AFG1L: variants seen among roughly 807,000 people sequenced by gnomAD.
The protein encoded by AFG1L is AFG1-like ATPase.
AFG1L carries 53 observed loss-of-function variants against 62.2 expected under a neutral mutation model. That is an observed-to-expected ratio of 0.85 (90% confidence interval 0.68 to 1.07). The LOEUF is 1.07. Among genes scored for constraint, AFG1L ranks in the 50% least tolerant of loss-of-function variants. The pLI is 0.00. For synonymous variants in AFG1L, 228 were observed against 210.3 expected (o/e 1.08, Z -0.73); for missense variants, 555 against 590.5 (o/e 0.94, Z 0.62).
chr6:108,305,675 C>T (rs1777175045), intron 1 of AFG1L, among the ~76,000 whole-genome samples: 3 of 152,188 alleles, frequency 2.0e-5, no homozygotes, highest in African/African-American at 7.2e-5. Context: ...TCAAGCAGTG[C>T]GCCCGCCTCA....
At chr6:108,516,270 G>A (rs1002334461) in intron 11 of AFG1L, among the ~76,000 whole-genome samples, 10 of 151,692 alleles carry the variant, frequency 6.6e-5, no homozygotes, top group African/African-American at 2.4e-4. Flanking sequence ...CTGGCAAACC[G>A]AATCCAGCAG....
rs1778889388 is a variant in AFG1L at position 108,347,031 on chromosome 6, G to A, written c.407G>A (p.Gly136Glu). The change falls in exon 3 of 13, where the codon GGA (glycine) becomes GAA (glutamate). Residue 136 changes from glycine (G) to glutamate (E), a missense_variant. By Grantham distance (98) the Gly-to-Glu change is moderately conservative. Coordinates refer to ENST00000368977, the MANE Select transcript of AFG1L (RefSeq NM_145315.5). ...CCTCCAAGGGGCCTGTATGTTTATG[G>A]AGATGTTGGTAAGTGTGTTAAAATA... ...SKPPRGLYVY[G>E]DVGTGKTMVM... 1 of 1,613,156 alleles carries A rather than the reference G, an allele frequency of 6.2e-7. No homozygotes were observed. The highest frequency in any genetic ancestry group is 8.5e-7 in the Non-Finnish European group (1 of 1,179,468).
intron 10 of AFG1L, among the ~76,000 whole-genome samples, chr6:108,487,531 C>A (rs1406907507): frequency 6.6e-6 from 1 of 152,146 alleles, no homozygotes; most frequent in African/African-American, 2.4e-5. Context: ...TATTTTTATA[C>A]CATCAGTTTT....
chr6:108,321,864 A>C (rs1777823192), intron 1 of AFG1L, among the ~76,000 whole-genome samples: 1 of 152,122 alleles, frequency 6.6e-6, no homozygotes, highest in Non-Finnish European at 1.5e-5. Context: ...TTTAAAAGCA[A>C]GATAGAAGTT....
At chr6:108,379,553 C>A (rs1284547117) in intron 6 of AFG1L, among the ~76,000 whole-genome samples, 1 of 152,174 alleles carries the variant, frequency 6.6e-6, no homozygotes, top group Non-Finnish European at 1.5e-5. Context: ...GCAATGGGAG[C>A]CGTGAAGGGC....
Position 108,436,413 on chromosome 6 carries a change from G to T in AFG1L, c.808-10801G>T, listed in dbSNP as rs1771312407. Among the ~76,000 whole-genome samples, 7 of 152,254 alleles carry T rather than the reference G, an allele frequency of 4.6e-5. No individual in the cohort carries two copies. The South Asian group carries it at 1.5e-3, about 32-fold the overall frequency. On this transcript the variant is annotated intron_variant, in intron 7 of 12. Coordinates refer to ENST00000368977, the MANE Select transcript of AFG1L (RefSeq NM_145315.5). ...CTGCCTTGGCCTCCCAAAGTGCTGGGATTACAGGTGTGAGCCACCGCACCC... is the reference window on the plus strand; with the variant it reads ...CTGCCTTGGCCTCCCAAAGTGCTGGTATTACAGGTGTGAGCCACCGCACCC...
chr6:108,431,338 A>G (rs993666162), intron 7 of AFG1L, among the ~76,000 whole-genome samples: 1 of 152,100 alleles, frequency 6.6e-6, no homozygotes, highest in African/African-American at 2.4e-5. Context: ...TGCTGACCTC[A>G]GGCGATCCGC....
chr6:108,402,111 G>A (rs1781647696), intron 7 of AFG1L, 57 bp downstream of exon 7: 1 of 825,328 alleles, frequency 1.2e-6, no homozygotes, highest in East Asian at 2.9e-5. Context: ...ATAATCAAGG[G>A]CTTTAGTAGG....
intron 8 of AFG1L, among the ~76,000 whole-genome samples, chr6:108,448,333 T>C (rs1771897651): frequency 6.6e-6 from 1 of 152,168 alleles, no homozygotes; most frequent in Non-Finnish European, 1.5e-5. Flanking sequence ...TCTTTTATGT[T>C]TGTGTTTACT....
chr6:108,458,647 T>C (rs1772340719), intron 8 of AFG1L, among the ~76,000 whole-genome samples: 1 of 152,166 alleles, frequency 6.6e-6, no homozygotes, highest in Non-Finnish European at 1.5e-5. Context: ...GTTCTTATAC[T>C]CATGCCTTCC....
intron 10 of AFG1L, among the ~76,000 whole-genome samples, chr6:108,508,995 C>G (rs1052872828): frequency 6.6e-6 from 1 of 152,122 alleles, no homozygotes; most frequent in Non-Finnish European, 1.5e-5. Flanking sequence ...CAGAGCAGCT[C>G]CTGGGCCACT....
At chr6:108,461,053 A>G (rs116295150) in intron 8 of AFG1L, among the ~76,000 whole-genome samples, 39 of 152,356 alleles carry the variant, frequency 2.6e-4, no homozygotes, top group African/African-American at 8.9e-4. Flanking sequence ...ACTTCTTAGT[A>G]ACATTTTAAT....
chr6:108,295,311 C>G, intron 1 of AFG1L, 93 bp downstream of exon 1: 1 of 1,426,222 alleles, frequency 7.0e-7, no homozygotes, highest in Non-Finnish European at 9.4e-7. Flanking sequence ...CCCCAGGTGT[C>G]TCCTGCTTTC....
At position 108,334,153 on chromosome 6, in the gene AFG1L, T is replaced by C. The variant is rs564398387; in HGVS notation, c.363+10105T>C. ...CTCCTGAGTAGGTAGGGCTAAGGCA[T>C]GCGCCACCACGCCTGGCTAATTTTT... is the stretch of plus-strand genomic sequence containing the variant. On this transcript the variant is annotated intron_variant, in intron 2 of 12. Coordinates refer to ENST00000368977, the MANE Select transcript of AFG1L (RefSeq NM_145315.5). Among the ~76,000 whole-genome samples, 6 of 152,188 alleles carry C rather than the reference T, an allele frequency of 3.9e-5. No homozygotes were observed. The East Asian group carries it at 1.2e-3, about 29-fold the overall frequency.
At chr6:108,386,702 A>G (rs1182496508) in intron 6 of AFG1L, among the ~76,000 whole-genome samples, 2 of 152,226 alleles carry the variant, frequency 1.3e-5, no homozygotes, top group African/African-American at 4.8e-5. Flanking sequence ...ACATAAAACT[A>G]TAGTGTTGTC....
intron 6 of AFG1L, among the ~76,000 whole-genome samples, chr6:108,393,215 C>A (rs1057441619): frequency 1.3e-5 from 2 of 151,950 alleles, no homozygotes; most frequent in Non-Finnish European, 2.9e-5. Context: ...ATTATGAAAT[C>A]TTTATGTCTA....
chr6:108,369,939 G>GATCTATCTAT (rs1554189666), intron 6 of AFG1L, among the ~76,000 whole-genome samples: 7 of 131,476 alleles, frequency 5.3e-5, no homozygotes, highest in Non-Finnish European at 1.0e-4. Flanking sequence ...TGGCTGGCTG[G>GATCTATCTAT]CTGGCTGGCT....
At chr6:108,458,531 T>C (rs1772334895) in intron 8 of AFG1L, among the ~76,000 whole-genome samples, 1 of 152,092 alleles carries the variant, frequency 6.6e-6, no homozygotes, top group African/African-American at 2.4e-5. Context: ...CCCAGGCTGG[T>C]CTTGAACTCC....
intron 10 of AFG1L, among the ~76,000 whole-genome samples, chr6:108,500,023 C>G (rs569238698): frequency 2.3e-4 from 35 of 152,152 alleles, no homozygotes; most frequent in Middle Eastern, 3.4e-3. Context: ...CATTGTTTAG[C>G]TCTCATTTAC....
Sources: gnomAD v4.1 joint callset for allele counts (sites outside exome capture counted in the v4.1 genomes callset) on GRCh38, gnomAD v4.1.1 for gene constraint, MANE v1.5 for transcripts, NCBI Gene and HGNC (gene_info 2026-07-23, HGNC 2026-07-21) for gene names.